Variants in CAMTA1 observed in about 807,000 individuals in gnomAD.
The protein encoded by CAMTA1 is calmodulin-binding transcription activator 1.
Under a neutral mutation model 170.9 loss-of-function variants are expected in CAMTA1, and 27 were observed. The ratio of observed to expected loss-of-function variants is 0.16; its 90% CI spans 0.12 to 0.22. The LOEUF is 0.22. Among genes scored for constraint, CAMTA1 ranks in the 10% least tolerant of loss-of-function variants. CAMTA1 has a pLI of 1.00. For missense variants in CAMTA1, 1,619 were observed against 2,217.2 expected (o/e 0.73, Z 5.42); for synonymous variants, 833 against 891.5 (o/e 0.93, Z 1.17).
chr1:7,418,548 A>G (rs551281078), intron 5 of CAMTA1, among the ~76,000 whole-genome samples: 146 of 152,240 alleles, frequency 9.6e-4, no homozygotes, highest in African/African-American at 3.3e-3. Flanking sequence ...CTGAAAGGCT[A>G]TCTCTGTGCC....
chr1:7,118,842 G>A (rs146804537), intron 4 of CAMTA1, among the ~76,000 whole-genome samples: 3 of 152,130 alleles, frequency 2.0e-5, no homozygotes, highest in South Asian at 2.1e-4. Context: ...GAAACACAAC[G>A]GGAACCTTGC....
intron 3 of CAMTA1, among the ~76,000 whole-genome samples, chr1:7,054,425 T>A (rs75837266): frequency 0.052 from 7,969 of 152,350 alleles, 238 homozygotes; most frequent in Middle Eastern, 0.078. Context: ...CATCTTCGCC[T>A]TTTTTTGATT....
chr1:7,127,632 T>C (rs531118559), intron 4 of CAMTA1, among the ~76,000 whole-genome samples: 10 of 152,310 alleles, frequency 6.6e-5, no homozygotes, highest in African/African-American at 2.4e-4. Context: ...ACTGACTCCG[T>C]GCCAAGCAGG....
At chr1:7,089,528 C>T (rs1161479347) in intron 3 of CAMTA1, among the ~76,000 whole-genome samples, 1 of 148,412 alleles carries the variant, frequency 6.7e-6, no homozygotes. Context: ...CACGTTTTTC[C>T]TAGCCCCATC....
At chr1:7,198,794 G>C (rs1010588479) in intron 4 of CAMTA1, among the ~76,000 whole-genome samples, 7 of 152,110 alleles carry the variant, frequency 4.6e-5, no homozygotes, top group Non-Finnish European at 8.8e-5. Flanking sequence ...CTGGCCCTCT[G>C]GTTTGGGACA....
At chr1:7,141,241 T>C (rs1398064758) in intron 4 of CAMTA1, among the ~76,000 whole-genome samples, 1 of 152,142 alleles carries the variant, frequency 6.6e-6, no homozygotes, top group Non-Finnish European at 1.5e-5. Flanking sequence ...CCCCCTGGGC[T>C]CTTCCTGACT....
At chr1:6,937,022 A>G (rs1685435194) in intron 3 of CAMTA1, among the ~76,000 whole-genome samples, 1 of 151,998 alleles carries the variant, frequency 6.6e-6, no homozygotes, top group Admixed American at 6.6e-5. Context: ...AGAGGATTCC[A>G]CTGCCGTCTC....
intron 3 of CAMTA1, among the ~76,000 whole-genome samples, chr1:6,997,664 T>C (rs986185239): frequency 2.1e-4 from 31 of 148,096 alleles, no homozygotes; most frequent in Admixed American, 1.2e-3. Flanking sequence ...TTCTTTCTTT[T>C]TTTTTTTTTT....
chr1:7,186,853 A>G (rs1298941106), intron 4 of CAMTA1, among the ~76,000 whole-genome samples: 1 of 152,176 alleles, frequency 6.6e-6, no homozygotes, highest in Admixed American at 6.5e-5. Flanking sequence ...AAACGTGCAC[A>G]ACCAGGTAAA....
At chr1:7,266,978 A>G (rs1574313022) in intron 5 of CAMTA1, among the ~76,000 whole-genome samples, 1 of 152,178 alleles carries the variant, frequency 6.6e-6, no homozygotes. Flanking sequence ...GAAGCCACTG[A>G]TGGGATCGTA....
chr1:6,791,062 C>T (rs1053131686), intron 1 of CAMTA1, among the ~76,000 whole-genome samples: 1 of 148,638 alleles, frequency 6.7e-6, no homozygotes. Flanking sequence ...TTCCATTATA[C>T]AGATCTTTTC....
intron 3 of CAMTA1, among the ~76,000 whole-genome samples, chr1:6,869,141 A>G (rs1270867142): frequency 2.0e-5 from 3 of 152,228 alleles, no homozygotes; most frequent in African/African-American, 4.8e-5. Context: ...CAGTCCATTC[A>G]TAGTCATGAG....
At chr1:7,462,935 T>A (rs7553147) in intron 5 of CAMTA1, among the ~76,000 whole-genome samples, 14,370 of 152,250 alleles carry the variant, frequency 0.094, 893 homozygotes, top group Middle Eastern at 0.15. Context: ...CTGATGAGTG[T>A]TCCCAGCGTC....
chr1:7,707,705 C>T (rs2096537620), intron 11 of CAMTA1, among the ~76,000 whole-genome samples: 1 of 152,180 alleles, frequency 6.6e-6, no homozygotes, highest in African/African-American at 2.4e-5. Context: ...ACATTAAAAA[C>T]CACAAGTTAG....
At chr1:7,088,169 C>T (rs1170104183) in intron 3 of CAMTA1, among the ~76,000 whole-genome samples, 1 of 152,218 alleles carries the variant, frequency 6.6e-6, no homozygotes, top group Non-Finnish European at 1.5e-5. Flanking sequence ...AGATGGGAGC[C>T]TGGGCCTGTG....
intron 5 of CAMTA1, among the ~76,000 whole-genome samples, chr1:7,433,443 C>T (rs1467144374): frequency 6.6e-6 from 1 of 152,222 alleles, no homozygotes; most frequent in East Asian, 1.9e-4. Context: ...CCAGCCTTTG[C>T]CTTTGAGGCT....
chr1:7,518,076 G>A lies in CAMTA1; in HGVS notation c.510+50175G>A, dbSNP rs551262964. On this transcript the variant is annotated intron_variant, in intron 6 of 22. Transcript: ENST00000303635. ...GAGGACATATGAGTAGCTAAGTGGTGTCTGCCAGAGCTGGATGTGAGAAGT... is the reference window on the plus strand; with the variant it reads ...GAGGACATATGAGTAGCTAAGTGGTATCTGCCAGAGCTGGATGTGAGAAGT... Among the ~76,000 whole-genome samples, 202 of 152,042 alleles carry A rather than the reference G, an allele frequency of 1.3e-3. 2 individuals are homozygous for A. Among genetic ancestry groups the A allele is most frequent in the Admixed American group, 2.6e-3 (40 of 15,288 alleles).
At chr1:6,808,481 T>C (rs77230166) in intron 1 of CAMTA1, among the ~76,000 whole-genome samples, 3 of 152,178 alleles carry the variant, frequency 2.0e-5, no homozygotes, top group Non-Finnish European at 2.9e-5. Flanking sequence ...TTGCTGACTT[T>C]CTGTGTCTTC....
chr1:7,405,306 C>G (rs1278707612), intron 5 of CAMTA1, among the ~76,000 whole-genome samples: 2 of 152,160 alleles, frequency 1.3e-5, no homozygotes, highest in African/African-American at 4.8e-5. Flanking sequence ...TGGTACTTCT[C>G]TCTCTCTGAT....
Sources: allele counts gnomAD v4.1 joint callset (sites outside exome capture counted in the v4.1 genomes callset), GRCh38; gene constraint gnomAD v4.1.1; transcripts MANE v1.5; gene names NCBI Gene and HGNC (gene_info 2026-07-23, HGNC 2026-07-21).